GRID1: variants seen among roughly 807,000 people sequenced by gnomAD.
GRID1 encodes glutamate receptor ionotropic, delta-1.
Under a neutral mutation model 98.0 loss-of-function variants are expected in GRID1, and 28 were observed. The observed-to-expected ratio is 0.29, with a 90% CI of 0.21 to 0.39. The LOEUF (loss-of-function observed/expected upper bound fraction) is 0.39. Ranked by LOEUF, GRID1 falls within the 10% of genes least tolerant of loss-of-function variation. The pLI, the probability that GRID1 is intolerant of heterozygous loss-of-function variation, is 1.00. For synonymous variants in GRID1, 553 were observed against 538.5 expected (o/e 1.03, Z -0.37); for missense variants, 1,111 against 1,340.5 (o/e 0.83, Z 2.67).
chr10:86,346,603 C>T (rs1399686763), intron 2 of GRID1, among the ~76,000 whole-genome samples: 5 of 152,238 alleles, frequency 3.3e-5, no homozygotes, highest in Admixed American at 2.0e-4. Context: ...TCGTTCAGAG[C>T]GGAGCAGACG....
chr10:86,272,319 A>C (rs1382417118), intron 2 of GRID1, among the ~76,000 whole-genome samples: 1 of 152,226 alleles, frequency 6.6e-6, no homozygotes, highest in African/African-American at 2.4e-5. Flanking sequence ...TCTGGAAAAC[A>C]GTCAAAGGTT....
rs987451578 is a variant in GRID1, at chr10:85,600,447, T to C, written c.*1826A>G. 17 of 152,206 alleles carry C rather than the reference T, an allele frequency of 1.1e-4. No individual in the cohort carries two copies. The highest frequency in any genetic ancestry group is 4.1e-4 in the African/African-American group (17 of 41,442). 9.4% of individuals were successfully genotyped at this position (152,206 alleles called of 1,614,324 possible). ...GTCACTAGGGACTTTAGGAAAGAAA[T>C]CAATCCTGGGCTAGTTATCACCCTC... is the stretch of plus-strand genomic sequence containing the variant. On this transcript the variant is annotated 3_prime_UTR_variant, in exon 16 of 16. Transcript: ENST00000327946.
chr10:86,116,037 C>T (rs1844572810), intron 4 of GRID1, among the ~76,000 whole-genome samples: 1 of 152,116 alleles, frequency 6.6e-6, no homozygotes, highest in African/African-American at 2.4e-5. Flanking sequence ...TACCATAAAG[C>T]CTAGGTGTGT....
intron 8 of GRID1, among the ~76,000 whole-genome samples, chr10:85,740,777 A>G (rs1393288939): frequency 1.3e-5 from 2 of 149,548 alleles, no homozygotes; most frequent in Admixed American, 6.6e-5. Context: ...TTTGCAATGG[A>G]GTCTCGCTCT....
At chr10:86,171,523 G>A (rs1464251049) in intron 3 of GRID1, among the ~76,000 whole-genome samples, 6 of 152,198 alleles carry the variant, frequency 3.9e-5, no homozygotes, top group Non-Finnish European at 8.8e-5. Flanking sequence ...GGGACCCAGA[G>A]GGTGAAGATG....
At chr10:85,750,718 T>C (rs1390751961) in intron 8 of GRID1, among the ~76,000 whole-genome samples, 2 of 152,146 alleles carry the variant, frequency 1.3e-5, no homozygotes, top group African/African-American at 4.8e-5. Context: ...TCTTGATCAG[T>C]AATTTAAATT....
At position 86,277,769 on chromosome 10, in the gene GRID1, C is replaced by A. The variant is rs371479325; in HGVS notation, c.236-71121G>T. Reference sequence around the variant, plus strand: ...AAAATCAACTAAACACAAAAGAAGCCATTAATAGAGAAAATGAGGGACAAA... The same window carrying A: ...AAAATCAACTAAACACAAAAGAAGCAATTAATAGAGAAAATGAGGGACAAA... On this transcript the variant is annotated intron_variant, in intron 2 of 15. Transcript: ENST00000327946. Among the ~76,000 whole-genome samples, 13 of 151,916 alleles carry A rather than the reference C, an allele frequency of 8.6e-5. No homozygotes were observed. The South Asian group carries it at 2.3e-3, about 27-fold the overall frequency.
intron 4 of GRID1, among the ~76,000 whole-genome samples, chr10:85,988,812 G>A (rs762949642): frequency 1.3e-5 from 2 of 152,158 alleles, no homozygotes; most frequent in Non-Finnish European, 2.9e-5. Flanking sequence ...CATATCCCCA[G>A]GATTTCTTTT....
rs80108137 is a variant in GRID1 at position 85,600,458 on chromosome 10, C to A, written c.*1815G>T. On this transcript the variant is annotated 3_prime_UTR_variant, in exon 16 of 16. Coordinates refer to ENST00000327946, the MANE Select transcript of GRID1 (RefSeq NM_017551.3). ...CTTTAGGAAAGAAATCAATCCTGGG[C>A]TAGTTATCACCCTCATAAATACATC... The A allele has an allele frequency of 6.6e-6, 1 of 152,204 alleles. No homozygotes were observed. The highest frequency in any genetic ancestry group is 2.1e-4 in the South Asian group (1 of 4,834). 9.4% of individuals were successfully genotyped at this position (152,204 alleles called of 1,614,324 possible).
chr10:86,256,598 G>GTC (rs145161561), intron 2 of GRID1, among the ~76,000 whole-genome samples: 18 of 151,062 alleles, frequency 1.2e-4, no homozygotes, highest in East Asian at 7.7e-4. Flanking sequence ...ATCTCTCTTT[G>GTC]TCTCTCTCTC....
intron 4 of GRID1, among the ~76,000 whole-genome samples, chr10:86,128,399 T>C (rs901792227): frequency 3.9e-5 from 6 of 152,124 alleles, no homozygotes; most frequent in African/African-American, 9.7e-5. Flanking sequence ...CTCCAGTTCT[T>C]TTCTCCCCTA....
chr10:86,284,711 GC>G (rs1033926107), intron 2 of GRID1, among the ~76,000 whole-genome samples: 2 of 152,230 alleles, frequency 1.3e-5, no homozygotes, highest in African/African-American at 2.4e-5. Flanking sequence ...CTAAGAGAGC[GC>G]CCTCAGTAAA....
At chr10:85,662,550 C>A (rs1248424749) in intron 12 of GRID1, among the ~76,000 whole-genome samples, 1 of 152,214 alleles carries the variant, frequency 6.6e-6, no homozygotes, top group Non-Finnish European at 1.5e-5. Context: ...TAATACTCCT[C>A]CCCACCCACA....
intron 4 of GRID1, among the ~76,000 whole-genome samples, chr10:86,013,110 C>A (rs1842939920): frequency 6.6e-6 from 1 of 152,168 alleles, no homozygotes; most frequent in African/African-American, 2.4e-5. Flanking sequence ...CCAGTGGGAC[C>A]TCAGACCTAT....
intron 3 of GRID1, among the ~76,000 whole-genome samples, chr10:86,190,572 C>A (rs544234557): frequency 2.2e-3 from 335 of 152,362 alleles, no homozygotes; most frequent in African/African-American, 7.7e-3. Context: ...CCCTGACATG[C>A]CCATCCCCAT....
intron 4 of GRID1, among the ~76,000 whole-genome samples, chr10:86,066,882 G>A (rs1196201415): frequency 2.0e-5 from 3 of 152,140 alleles, no homozygotes; most frequent in Non-Finnish European, 2.9e-5. Context: ...CGCTTGGTAG[G>A]GGCCGCGCCG....
chr10:86,057,545 G>A lies in GRID1; in HGVS notation c.726+81274C>T, dbSNP rs554676371. On this transcript the variant is annotated intron_variant, in intron 4 of 15. Transcript: ENST00000327946. ...ACCTTTGCCTACTCCATTGGCCCTC[G>A]GGTGTTCACTGTAGCCTTCCCTTGC... 4.0e-4 allele frequency among the ~76,000 whole-genome samples: 61 copies of A among 152,220 alleles called. No individual in the cohort carries two copies. The South Asian group carries it at 4.8e-3, about 12-fold the overall frequency.
chr10:85,804,762 C>T, intron 8 of GRID1, among the ~76,000 whole-genome samples: 1 of 151,796 alleles, frequency 6.6e-6, no homozygotes, highest in East Asian at 1.9e-4. Flanking sequence ...AATTGTATTA[C>T]ATTCAAAGCT....
intron 8 of GRID1, among the ~76,000 whole-genome samples, chr10:85,741,492 G>A (rs1841942526): frequency 6.6e-6 from 1 of 152,032 alleles, no homozygotes; most frequent in African/African-American, 2.4e-5. Flanking sequence ...TCTGCATTTT[G>A]ACAAGAGTCC....
Sources: allele counts gnomAD v4.1 joint callset (sites outside exome capture counted in the v4.1 genomes callset), GRCh38; gene constraint gnomAD v4.1.1; transcripts MANE v1.5; gene names NCBI Gene and HGNC (gene_info 2026-07-23, HGNC 2026-07-21).